Variants in DAP observed in about 807,000 individuals in gnomAD.
The protein encoded by DAP is death-associated protein 1.
In DAP, 8 loss-of-function variants were observed where a neutral mutation model predicts 13.8. The observed-to-expected ratio is 0.58, with a 90% CI of 0.34 to 1.05. The LOEUF (loss-of-function observed/expected upper bound fraction) is 1.05. DAP is among the 50% of genes least tolerant of loss of function. The pLI, the probability that DAP is intolerant of heterozygous loss-of-function variation, is 0.03. For synonymous variants in DAP, 47 were observed against 47.5 expected (o/e 0.99, Z 0.04); for missense variants, 106 against 133.2 (o/e 0.80, Z 1.01).
chr5:10,725,556 T>G (rs759880279), intron 2 of DAP, among the ~76,000 whole-genome samples: 1 of 152,184 alleles, frequency 6.6e-6, no homozygotes. Flanking sequence ...AAAGCTTGAG[T>G]TGACAATTGG....
At chr5:10,746,541 GC>G (rs1300481401) in intron 2 of DAP, among the ~76,000 whole-genome samples, 6 of 152,038 alleles carry the variant, frequency 3.9e-5, no homozygotes, top group African/African-American at 1.4e-4. Context: ...TGTTGGCCAG[GC>G]TGGTCTCGCA....
intron 2 of DAP, among the ~76,000 whole-genome samples, chr5:10,727,506 C>T (rs1739319316): frequency 1.3e-5 from 2 of 152,184 alleles, no homozygotes; most frequent in African/African-American, 2.4e-5. Flanking sequence ...GGGCCTGCTG[C>T]CTTGCTCCTG....
intron 3 of DAP, among the ~76,000 whole-genome samples, chr5:10,681,535 C>T (rs1028308767): frequency 6.8e-6 from 1 of 148,138 alleles, no homozygotes; most frequent in African/African-American, 2.5e-5. Context: ...AACCCCCAGG[C>T]CAGCACCCAC....
chr5:10,688,129 T>C (rs1738202321), intron 2 of DAP, among the ~76,000 whole-genome samples: 1 of 152,180 alleles, frequency 6.6e-6, no homozygotes, highest in Non-Finnish European at 1.5e-5. Context: ...TTTGCCAGGC[T>C]GGTCTCGAAC....
intron 2 of DAP, among the ~76,000 whole-genome samples, chr5:10,698,369 C>T (rs1235772969): frequency 6.7e-6 from 1 of 149,462 alleles, no homozygotes; most frequent in Non-Finnish European, 1.5e-5. Flanking sequence ...CTTTCCAAAA[C>T]CAGCTAGTGA....
chr5:10,697,266 T>A (rs1738458017), intron 2 of DAP, among the ~76,000 whole-genome samples: 1 of 152,214 alleles, frequency 6.6e-6, no homozygotes, highest in Non-Finnish European at 1.5e-5. Context: ...CTTTATTACA[T>A]GGTTAGCTCG....
intron 2 of DAP, among the ~76,000 whole-genome samples, chr5:10,720,279 G>C (rs1281715764): frequency 6.6e-6 from 1 of 152,218 alleles, no homozygotes; most frequent in Non-Finnish European, 1.5e-5. Flanking sequence ...TCCATTTGAT[G>C]ATGGAATGCT....
At chr5:10,687,906 T>TGTC (rs1738196769) in intron 2 of DAP, among the ~76,000 whole-genome samples, 1 of 69,444 alleles carries the variant, frequency 1.4e-5, no homozygotes, top group African/African-American at 1.2e-4. Context: ...CATTGTTGTC[T>TGTC]TTTTTTTTTT....
chr5:10,719,109 A>G (rs1402807057), intron 2 of DAP, among the ~76,000 whole-genome samples: 11 of 152,244 alleles, frequency 7.2e-5, no homozygotes, highest in Admixed American at 6.5e-4. Flanking sequence ...ACAGCCTGTC[A>G]AGATATTCCT....
chr5:10,715,350 C>A (rs980856566), intron 2 of DAP, among the ~76,000 whole-genome samples: 1 of 152,168 alleles, frequency 6.6e-6, no homozygotes, highest in African/African-American at 2.4e-5. Flanking sequence ...GGAGCAACTT[C>A]CAACCCATCA....
chr5:10,716,194 C>T lies in DAP; in HGVS notation c.152+31981G>A, dbSNP rs897728461. On this transcript the variant is annotated intron_variant, in intron 2 of 3. Transcript: ENST00000230895. ...TTGAGCTCCATCGGTGAAGAAACAG[C>T]GGGCAGAATGAAGCTGGATAAGCCC... Among the ~76,000 whole-genome samples, 15 of 152,214 alleles carry T rather than the reference C, an allele frequency of 9.9e-5. No homozygotes were observed. The East Asian group carries it at 1.7e-3, about 18-fold the overall frequency.
At chr5:10,692,493 G>A (rs560971058) in intron 2 of DAP, among the ~76,000 whole-genome samples, 56 of 152,158 alleles carry the variant, frequency 3.7e-4, no homozygotes, top group Admixed American at 6.5e-4. Flanking sequence ...CCTGCACTTA[G>A]TCCAGCGCCC....
At chr5:10,698,617 C>T (rs993635765) in intron 2 of DAP, among the ~76,000 whole-genome samples, 1 of 152,074 alleles carries the variant, frequency 6.6e-6, no homozygotes, top group Non-Finnish European at 1.5e-5. Flanking sequence ...TGGGTCTCTC[C>T]TGGGTAAATT....
At chr5:10,688,876 T>A (rs1220259658) in intron 2 of DAP, among the ~76,000 whole-genome samples, 1 of 151,584 alleles carries the variant, frequency 6.6e-6, no homozygotes, top group Non-Finnish European at 1.5e-5. Context: ...ACAGGCTCCT[T>A]GGTTGAGCCC....
chr5:10,722,204 T>C (rs1441437055), intron 2 of DAP, among the ~76,000 whole-genome samples: 1 of 152,154 alleles, frequency 6.6e-6, no homozygotes. Flanking sequence ...GATTAACATT[T>C]GAGTCAGTGG....
chr5:10,725,024 T>C (rs115940082), intron 2 of DAP, among the ~76,000 whole-genome samples: 1 of 152,318 alleles, frequency 6.6e-6, no homozygotes, highest in Admixed American at 6.5e-5. Context: ...TTGGCCTCGC[T>C]AAGGCTGGGA....
At chr5:10,702,311 T>C (rs1437985449) in intron 2 of DAP, among the ~76,000 whole-genome samples, 1 of 152,220 alleles carries the variant, frequency 6.6e-6, no homozygotes, top group Admixed American at 6.5e-5. Context: ...TAGCTGGAAC[T>C]GTTTGTTGCT....
chr5:10,693,745 T>C (rs1738367219), intron 2 of DAP, among the ~76,000 whole-genome samples: 1 of 152,236 alleles, frequency 6.6e-6, no homozygotes, highest in Admixed American at 6.5e-5. Context: ...GATTTAGAGA[T>C]GCAGAGTTTT....
intron 2 of DAP, among the ~76,000 whole-genome samples, chr5:10,705,289 A>T (rs1738670423): frequency 6.6e-6 from 1 of 152,194 alleles, no homozygotes; most frequent in East Asian, 1.9e-4. Context: ...TCCATATTTT[A>T]TGTAGAGGTG....
Sources: gnomAD v4.1 joint callset for allele counts (sites outside exome capture counted in the v4.1 genomes callset) on GRCh38, gnomAD v4.1.1 for gene constraint, MANE v1.5 for transcripts, NCBI Gene and HGNC (gene_info 2026-07-23, HGNC 2026-07-21) for gene names.